The following BZW2 variants were observed in gnomAD, a reference collection of about 807,000 sequenced individuals.
BZW2 encodes the protein eIF5-mimic protein 1.
A neutral mutation model predicts 53.2 loss-of-function variants in BZW2; 23 were observed. The observed-to-expected ratio is 0.43, with a 90% confidence interval of 0.31 to 0.61. BZW2 has a LOEUF of 0.61. BZW2 is among the 20% of genes least tolerant of loss of function. The probability of loss-of-function intolerance (pLI) is 0.09; values close to 1 mark genes in which losing one functional copy is unlikely to be tolerated. For missense variants in BZW2, 409 were observed against 503.1 expected (o/e 0.81, Z 1.79); for synonymous variants, 227 against 186.4 (o/e 1.22, Z -1.77).
At chr7:16,650,994 A>G (rs977677351) in intron 1 of BZW2, among the ~76,000 whole-genome samples, 4 of 152,228 alleles carry the variant, frequency 2.6e-5, no homozygotes, top group African/African-American at 9.6e-5. Flanking sequence ...ATTTTTAGCA[A>G]TAGGTGTTTC....
At chr7:16,667,025 G>A (rs1246928113) in intron 2 of BZW2, among the ~76,000 whole-genome samples, 1 of 149,152 alleles carries the variant, frequency 6.7e-6, no homozygotes, top group East Asian at 2.1e-4. Flanking sequence ...GCTCATGCCT[G>A]TAATCCCAAC....
intron 1 of BZW2, among the ~76,000 whole-genome samples, chr7:16,649,653 C>G (rs556074749): frequency 6.6e-6 from 1 of 152,074 alleles, no homozygotes; most frequent in South Asian, 2.1e-4. Context: ...TTTCCTTAGA[C>G]TTAGGTATCT....
intron 1 of BZW2, among the ~76,000 whole-genome samples, chr7:16,655,425 A>G (rs1326595556): frequency 6.6e-6 from 1 of 152,186 alleles, no homozygotes; most frequent in Non-Finnish European, 1.5e-5. Context: ...TATGTGGGGT[A>G]CAGTGTGGTG....
intron 1 of BZW2, among the ~76,000 whole-genome samples, chr7:16,664,947 T>G (rs1319431034): frequency 6.6e-6 from 1 of 152,216 alleles, no homozygotes; most frequent in Non-Finnish European, 1.5e-5. Context: ...TCCTATGTCC[T>G]TTGCCAACAC....
intron 2 of BZW2, among the ~76,000 whole-genome samples, chr7:16,669,556 A>G (rs1038808731): frequency 1.3e-5 from 2 of 152,236 alleles, no homozygotes; most frequent in Admixed American, 1.3e-4. Context: ...TAGAAAATAC[A>G]TTTGATTTTA....
intron 1 of BZW2, among the ~76,000 whole-genome samples, chr7:16,662,901 A>G (rs1782309276): frequency 6.6e-6 from 1 of 152,206 alleles, no homozygotes; most frequent in African/African-American, 2.4e-5. Flanking sequence ...GCATCTTGGT[A>G]CAAGACCCAA....
chr7:16,662,266 TTTG>T (rs1331213946), intron 1 of BZW2: 9 of 152,122 alleles, frequency 5.9e-5, no homozygotes, highest in Admixed American at 2.0e-4. Context: ...TGAGTTTTTG[TTTG>T]TTTGTGTTAA....
intron 2 of BZW2, among the ~76,000 whole-genome samples, chr7:16,670,384 T>C (rs1782564862): frequency 6.6e-6 from 1 of 152,230 alleles, no homozygotes; most frequent in African/African-American, 2.4e-5. Flanking sequence ...TTTCCTCATT[T>C]ATCCATTTAC....
In BZW2 at chr7:16,706,117, AC is replaced by A. The variant is rs1452651475; in HGVS notation, c.*31del. 1.9e-6 allele frequency: 3 copies of A among 1,607,580 alleles called. No individual in the cohort carries two copies. The East Asian group carries it at 6.7e-5, about 36-fold the overall frequency. On this transcript the variant is annotated 3_prime_UTR_variant, in exon 12 of 12. Coordinates refer to ENST00000258761, the MANE Select transcript of BZW2 (RefSeq NM_014038.3). ...GCTCAACAAGCACAATACCTAGGTTACCACACACCACTTTTTGATTGGGAAT... is the reference window on the plus strand; with the variant it reads ...GCTCAACAAGCACAATACCTAGGTTACACACACCACTTTTTGATTGGGAAT...
intron 2 of BZW2, among the ~76,000 whole-genome samples, chr7:16,668,537 G>T (rs1184370927): frequency 2.0e-5 from 3 of 152,120 alleles, no homozygotes; most frequent in Admixed American, 2.0e-4. Context: ...GTAGTGAAAC[G>T]CCTCCTGATG....
Position 16,704,600 on chromosome 7 carries a change from G to A in BZW2, c.1162G>A (p.Ala388Thr). 1 of 1,596,150 alleles carries A rather than the reference G, an allele frequency of 6.3e-7. No individual in the cohort carries two copies. The highest frequency in any genetic ancestry group is 8.6e-7 in the Non-Finnish European group (1 of 1,166,004). ...ILKWYKEAHV[A>T]KGKSVFLDQM... Reference sequence around the variant, plus strand: ...GAAATGGTATAAGGAAGCACATGTTGCTAAAGGCAAAAGTGTTTTTCTTGA... The same window carrying A: ...GAAATGGTATAAGGAAGCACATGTTACTAAAGGCAAAAGTGTTTTTCTTGA... Residue 388 changes from alanine (A) to threonine (T), a missense_variant, in exon 11 of 12, where the codon GCT becomes ACT. Ala to Thr is a moderately conservative substitution (Grantham distance 58). This residue lies in a region of BZW2 where 88 missense variants were observed against 114.6 expected (regional missense o/e 0.77). Coordinates refer to ENST00000258761, the MANE Select transcript of BZW2 (RefSeq NM_014038.3).
chr7:16,701,757 G>A (rs1027896267), intron 10 of BZW2, among the ~76,000 whole-genome samples: 2 of 152,058 alleles, frequency 1.3e-5, no homozygotes, highest in East Asian at 1.9e-4. Context: ...GATACTATAG[G>A]GCAGGTCTTT....
chr7:16,701,967 C>G (rs569270049), intron 10 of BZW2, among the ~76,000 whole-genome samples: 2 of 152,236 alleles, frequency 1.3e-5, no homozygotes, highest in African/African-American at 4.8e-5. Flanking sequence ...AGTGAAGGCT[C>G]TCAAGGTACA....
chr7:16,664,919 G>A (rs1039926433), intron 1 of BZW2, among the ~76,000 whole-genome samples: 2 of 152,152 alleles, frequency 1.3e-5, no homozygotes, highest in Non-Finnish European at 2.9e-5. Flanking sequence ...CATCAAAGTT[G>A]GTGTCTGTGG....
intron 1 of BZW2, among the ~76,000 whole-genome samples, chr7:16,652,073 G>A (rs1040569141): frequency 6.6e-6 from 1 of 152,092 alleles, no homozygotes; most frequent in Non-Finnish European, 1.5e-5. Flanking sequence ...AGCTCCAGAT[G>A]GGCAGGGATC....
intron 10 of BZW2, among the ~76,000 whole-genome samples, chr7:16,700,381 C>A (rs576262010): frequency 4.0e-4 from 61 of 152,240 alleles, no homozygotes; most frequent in African/African-American, 1.3e-3. Context: ...TTTTGTCCAC[C>A]AAACACTTGT....
chr7:16,682,401 C>G (rs1782976469), intron 4 of BZW2, among the ~76,000 whole-genome samples: 1 of 152,194 alleles, frequency 6.6e-6, no homozygotes, highest in Non-Finnish European at 1.5e-5. Context: ...AGAGTAGAAT[C>G]TGTCCTGCAC....
chr7:16,684,902 A>G (rs2293397), intron 5 of BZW2, among the ~76,000 whole-genome samples: 31,541 of 152,098 alleles, frequency 0.21, 3,410 homozygotes, highest in East Asian at 0.38. Flanking sequence ...GTAAGTTAAT[A>G]TTTTCTTATC....
intron 2 of BZW2, among the ~76,000 whole-genome samples, chr7:16,666,781 A>T (rs928576212): frequency 1.3e-5 from 2 of 151,752 alleles, no homozygotes; most frequent in Non-Finnish European, 1.5e-5. Context: ...TGCTCCTCCC[A>T]CCTCAGCCAC....
Sources: gnomAD v4.1 joint callset for allele counts (sites outside exome capture counted in the v4.1 genomes callset) on GRCh38, gnomAD v4.1.1 for gene constraint, gnomAD v4.1.1 regional missense constraint, MANE v1.5 for transcripts, NCBI Gene and HGNC (gene_info 2026-07-23, HGNC 2026-07-21) for gene names.